Variants in DOCK10 observed in about 807,000 individuals in gnomAD.
DOCK10 encodes the protein dedicator of cytokinesis 10.
A neutral mutation model predicts 280.1 loss-of-function variants in DOCK10; 145 were observed. The observed-to-expected ratio is 0.52, with a 90% confidence interval of 0.45 to 0.59. The LOEUF is 0.59. Ranked by LOEUF, DOCK10 falls within the 20% of genes least tolerant of loss-of-function variation. DOCK10 has a pLI of 0.00. For missense variants in DOCK10, 2,368 were observed against 2,651.7 expected (o/e 0.89, Z 2.35); for synonymous variants, 915 against 942.2 (o/e 0.97, Z 0.53).
At chr2:224,843,969 A>C (rs558215045) in intron 22 of DOCK10, among the ~76,000 whole-genome samples, 1 of 152,326 alleles carries the variant, frequency 6.6e-6, no homozygotes, top group East Asian at 1.9e-4. Context: ...TAAGGATATC[A>C]GAGGTAAAGT....
intron 1 of DOCK10, among the ~76,000 whole-genome samples, chr2:225,037,979 C>T (rs1690306887): frequency 6.6e-6 from 1 of 152,118 alleles, no homozygotes; most frequent in Non-Finnish European, 1.5e-5. Context: ...ACTTCTTCTC[C>T]AGGCAAAGAG....
In DOCK10 at chr2:224,834,151, T is replaced by A. The variant is rs116732344; in HGVS notation, c.2963A>T (p.Lys988Met). 3.1e-4 allele frequency: 500 copies of A among 1,594,136 alleles called. No individual in the cohort carries two copies. In the African/African-American group the frequency reaches 6.0e-3, roughly 19 times the overall value. Residue 988 changes from lysine to methionine, a missense_variant and splice_region_variant, in exon 26 of 56, where the codon AAG becomes ATG. Transcript: ENST00000258390. ...NDSTTVKHVL[K>M]HSWFFFAIIL... ...AAAGGACCATCTTTAAATTCTTACC[T>A]TTAGGACATGCTTTACTGTTGTTGA...
chr2:224,823,693 A>G (rs371114029), intron 27 of DOCK10, 46 bp from the exon 28 acceptor site: 8 of 1,508,710 alleles, frequency 5.3e-6, no homozygotes, highest in Non-Finnish European at 8.8e-7. Flanking sequence ...CATGTGAAAT[A>G]TTAAGCCGAG....
At chr2:225,003,295 C>A (rs977091103) in intron 1 of DOCK10, among the ~76,000 whole-genome samples, 1 of 152,132 alleles carries the variant, frequency 6.6e-6, no homozygotes, top group African/African-American at 2.4e-5. Flanking sequence ...GCATCTGCCT[C>A]GGCTTCTCAA....
chr2:224,802,176 T>C, intron 39 of DOCK10, 136 bp from the exon 40 acceptor site: 2 of 901,162 alleles, frequency 2.2e-6, no homozygotes, highest in Non-Finnish European at 3.2e-6. Flanking sequence ...ATTACAAATA[T>C]TAATTATAGG....
intron 45 of DOCK10, among the ~76,000 whole-genome samples, chr2:224,794,283 A>T (rs1294575781): frequency 6.6e-6 from 1 of 152,252 alleles, no homozygotes. Context: ...AGAATAGCGT[A>T]GAACTTCCCA....
chr2:224,964,753 T>C (rs1004578207), intron 1 of DOCK10, among the ~76,000 whole-genome samples: 1 of 152,222 alleles, frequency 6.6e-6, no homozygotes, highest in Admixed American at 6.5e-5. Flanking sequence ...TTTGGTAACA[T>C]GCCCTCAAAA....
At chr2:224,960,940 G>A (rs1022649110) in intron 1 of DOCK10, among the ~76,000 whole-genome samples, 17 of 151,744 alleles carry the variant, frequency 1.1e-4, no homozygotes, top group African/African-American at 2.9e-4. Context: ...GGGTTTCACC[G>A]TGTTAGCCAG....
At chr2:224,967,362 G>C (rs576518566) in intron 1 of DOCK10, among the ~76,000 whole-genome samples, 85 of 152,274 alleles carry the variant, frequency 5.6e-4, no homozygotes, top group Middle Eastern at 3.4e-3. Flanking sequence ...TTACAGGCGT[G>C]AGCCACCGCG....
At chr2:224,796,909 C>A in intron 43 of DOCK10, 55 bp downstream of exon 43, 1 of 1,543,376 alleles carries the variant, frequency 6.5e-7, no homozygotes, top group South Asian at 1.2e-5. Context: ...TTAAGCACTG[C>A]TGAAACAGAT....
At chr2:224,793,881 G>A (rs1409036074) in intron 45 of DOCK10, among the ~76,000 whole-genome samples, 1 of 151,908 alleles carries the variant, frequency 6.6e-6, no homozygotes, top group East Asian at 1.9e-4. Flanking sequence ...CTCTGAATTT[G>A]TGTTGCCTTT....
chr2:224,800,472 G>A (rs1692907030), intron 40 of DOCK10, among the ~76,000 whole-genome samples: 1 of 152,116 alleles, frequency 6.6e-6, no homozygotes, highest in African/African-American at 2.4e-5. Context: ...CCATATATCA[G>A]TTGCGGGGTT....
At chr2:224,774,211 C>T (rs577948045) in intron 52 of DOCK10, among the ~76,000 whole-genome samples, 2 of 152,298 alleles carry the variant, frequency 1.3e-5, no homozygotes, top group East Asian at 1.9e-4. Context: ...TCCAGAATGC[C>T]CTTGCTCACC....
intron 41 of DOCK10, 99 bp from the exon 42 acceptor site, chr2:224,798,068 T>C (rs995136496): frequency 2.2e-5 from 26 of 1,156,520 alleles, no homozygotes; most frequent in Non-Finnish European, 1.4e-5. Context: ...TAAGGCACTA[T>C]TTTGAGTGCT....
rs180672303 is a variant in DOCK10 at position 224,865,728 on chromosome 2, T to C, written c.1258-641A>G. 8.4e-3 allele frequency among the ~76,000 whole-genome samples: 1,279 copies of C among 152,264 alleles called. 24 individuals carry two copies. Among genetic ancestry groups the C allele is most frequent in the African/African-American group, 0.029 (1,208 of 41,538 alleles). On this transcript the variant is annotated intron_variant, in intron 11 of 55. Coordinates refer to ENST00000258390, the MANE Select transcript of DOCK10 (RefSeq NM_014689.3). ...TTTTAAAACAGATATTAACTATTTT[T>C]TCTCTTATATTGAAATAATTTTGAA... is the stretch of plus-strand genomic sequence containing the variant.
At chr2:224,948,333 T>C (rs1285674940) in intron 1 of DOCK10, among the ~76,000 whole-genome samples, 9 of 152,202 alleles carry the variant, frequency 5.9e-5, no homozygotes, top group Non-Finnish European at 2.9e-5. Flanking sequence ...GCTGGGGAGA[T>C]AAATTATATC....
chr2:224,993,169 T>C (rs1706176272), intron 1 of DOCK10, among the ~76,000 whole-genome samples: 1 of 151,196 alleles, frequency 6.6e-6, no homozygotes, highest in Middle Eastern at 3.5e-3. Flanking sequence ...ATGGAAGGAA[T>C]ACTAAGAAGA....
intron 27 of DOCK10, among the ~76,000 whole-genome samples, chr2:224,824,256 C>T (rs572295096): frequency 6.6e-6 from 1 of 152,072 alleles, no homozygotes; most frequent in African/African-American, 2.4e-5. Context: ...CCAGTGGGAC[C>T]TCACAAGTCA....
intron 1 of DOCK10, among the ~76,000 whole-genome samples, chr2:225,013,862 G>A (rs57392222): frequency 0.038 from 5,720 of 149,422 alleles, 382 homozygotes; most frequent in African/African-American, 0.13. Flanking sequence ...TGGGGTGTGC[G>A]TGTGTGTGTG....
Sources: allele counts gnomAD v4.1 joint callset (sites outside exome capture counted in the v4.1 genomes callset), GRCh38; gene constraint gnomAD v4.1.1; transcripts MANE v1.5; gene names NCBI Gene and HGNC (gene_info 2026-07-23, HGNC 2026-07-21).